NEGR1: variants seen among roughly 807,000 people sequenced by gnomAD.
NEGR1 encodes IgLON family member 4.
In NEGR1, 10 loss-of-function variants were observed where a neutral mutation model predicts 40.9. That is an observed-to-expected ratio of 0.24 (90% CI 0.15 to 0.42). The LOEUF is 0.42. Among genes scored for constraint, NEGR1 ranks in the 10% least tolerant of loss-of-function variants. NEGR1 has a pLI of 1.00. For missense variants in NEGR1, 352 were observed against 438.9 expected (o/e 0.80, Z 1.77); for synonymous variants, 185 against 166.8 (o/e 1.11, Z -0.84).
intron 6 of NEGR1, among the ~76,000 whole-genome samples, chr1:71,414,835 T>C (rs895791546): frequency 1.3e-5 from 2 of 152,172 alleles, no homozygotes; most frequent in African/African-American, 4.8e-5. Context: ...ACACCTTCAT[T>C]GTGCATGTCT....
chr1:71,848,200 CAT>C (rs1659486400), intron 2 of NEGR1, among the ~76,000 whole-genome samples: 1 of 152,160 alleles, frequency 6.6e-6, no homozygotes, highest in South Asian at 2.1e-4. Flanking sequence ...GTTTCCATAA[CAT>C]AAAATTGCAA....
chr1:71,418,849 A>T (rs1420249580), intron 6 of NEGR1, among the ~76,000 whole-genome samples: 1 of 152,160 alleles, frequency 6.6e-6, no homozygotes, highest in Non-Finnish European at 1.5e-5. Context: ...TTCCCGACAG[A>T]GTCTAACACA....
At chr1:71,566,659 C>A (rs1422576942) in intron 6 of NEGR1, among the ~76,000 whole-genome samples, 1 of 152,128 alleles carries the variant, frequency 6.6e-6, no homozygotes, top group African/African-American at 2.4e-5. Flanking sequence ...ATATTTTTGG[C>A]TATGCAGGCC....
intron 2 of NEGR1, among the ~76,000 whole-genome samples, chr1:71,910,501 G>A (rs1157118641): frequency 6.6e-6 from 1 of 152,134 alleles, no homozygotes; most frequent in Non-Finnish European, 1.5e-5. Flanking sequence ...TGCTGATGCT[G>A]CTAGAGTGTA....
chr1:71,782,091 C>T (rs147783756), intron 2 of NEGR1, among the ~76,000 whole-genome samples: 5 of 152,252 alleles, frequency 3.3e-5, no homozygotes, highest in Non-Finnish European at 7.4e-5. Context: ...GTTTGTGTCT[C>T]TCCCAAATTC....
At chr1:72,199,150 C>CAGAGAGAGAGAGAG (rs34602311) in intron 1 of NEGR1, among the ~76,000 whole-genome samples, 2 of 115,162 alleles carry the variant, frequency 1.7e-5, no homozygotes, top group African/African-American at 6.6e-5. Context: ...GATAGACAGA[C>CAGAGAGAGAGAGAG]AGAGAGAGAG....
intron 1 of NEGR1, among the ~76,000 whole-genome samples, chr1:72,208,527 T>C (rs1483070271): frequency 1.3e-5 from 2 of 151,604 alleles, no homozygotes; most frequent in East Asian, 1.9e-4. Context: ...TAAATATCTA[T>C]ACTGGCATCT....
Position 71,493,842 on chromosome 1 carries a change from T to C in NEGR1, c.941-86272A>G, listed in dbSNP as rs188999768. On this transcript the variant is annotated intron_variant, in intron 6 of 6. Coordinates refer to ENST00000357731, the MANE Select transcript of NEGR1 (RefSeq NM_173808.3). ...AAAAGCCATCCAGAATTTATGTGTT[T>C]TGCTCTAGTCCAACTTATTTATCTC... Among the ~76,000 whole-genome samples, 3 of 152,302 alleles carry C rather than the reference T, an allele frequency of 2.0e-5. No homozygotes were observed. In the East Asian group the frequency reaches 5.8e-4, roughly 29 times the overall value.
intron 1 of NEGR1, among the ~76,000 whole-genome samples, chr1:72,111,756 G>T (rs566102862): frequency 2.6e-5 from 4 of 151,736 alleles, no homozygotes; most frequent in Non-Finnish European, 5.9e-5. Context: ...CTTGATATGA[G>T]TAAGAGATTT....
chr1:71,920,347 T>C (rs1339416667), intron 2 of NEGR1, among the ~76,000 whole-genome samples: 2 of 152,160 alleles, frequency 1.3e-5, no homozygotes, highest in East Asian at 3.9e-4. Context: ...TAGCTCCTCA[T>C]TGAGCTCTGA....
At chr1:72,141,945 C>A (rs1180130386) in intron 1 of NEGR1, among the ~76,000 whole-genome samples, 3 of 147,132 alleles carry the variant, frequency 2.0e-5, no homozygotes, top group Non-Finnish European at 4.6e-5. Flanking sequence ...CAATTTATAG[C>A]AAAAAGGAAA....
At chr1:71,477,824 G>C (rs1646830827) in intron 6 of NEGR1, among the ~76,000 whole-genome samples, 1 of 151,736 alleles carries the variant, frequency 6.6e-6, no homozygotes, top group African/African-American at 2.4e-5. Flanking sequence ...ATCTTACAAA[G>C]ATCAAATTAC....
chr1:71,995,345 G>GA (rs1225646462), intron 1 of NEGR1, among the ~76,000 whole-genome samples: 2 of 151,810 alleles, frequency 1.3e-5, no homozygotes, highest in Non-Finnish European at 2.9e-5. Flanking sequence ...AAGGAGGTAT[G>GA]AAAAAACGGT....
At chr1:71,911,327 A>G (rs1184654474) in intron 2 of NEGR1, among the ~76,000 whole-genome samples, 1 of 152,172 alleles carries the variant, frequency 6.6e-6, no homozygotes, top group Admixed American at 6.5e-5. Context: ...GTACTGTGGA[A>G]AGAGCTCTGG....
intron 1 of NEGR1, among the ~76,000 whole-genome samples, chr1:72,248,694 G>A (rs1231087428): frequency 6.7e-6 from 1 of 150,290 alleles, no homozygotes; most frequent in Non-Finnish European, 1.5e-5. Flanking sequence ...TGCTTCCTGG[G>A]TTCTCAGCCT....
At chr1:72,029,545 C>T (rs75754286) in intron 1 of NEGR1, among the ~76,000 whole-genome samples, 2 of 152,046 alleles carry the variant, frequency 1.3e-5, no homozygotes, top group African/African-American at 2.4e-5. Flanking sequence ...GTCATTTTGA[C>T]GTGTTTATTG....
At chr1:71,418,590 C>T (rs898578267) in intron 6 of NEGR1, among the ~76,000 whole-genome samples, 2 of 152,110 alleles carry the variant, frequency 1.3e-5, no homozygotes, top group African/African-American at 4.8e-5. Flanking sequence ...TTGGAATTAC[C>T]TTCTTCTACT....
chr1:71,429,642 C>G (rs577543874), intron 6 of NEGR1, among the ~76,000 whole-genome samples: 1 of 152,078 alleles, frequency 6.6e-6, no homozygotes, highest in Non-Finnish European at 1.5e-5. Flanking sequence ...TGTTCTGCAG[C>G]CAGACAAACA....
chr1:72,272,481 A>T (rs2100560016), intron 1 of NEGR1, among the ~76,000 whole-genome samples: 1 of 152,092 alleles, frequency 6.6e-6, no homozygotes, highest in East Asian at 1.9e-4. Flanking sequence ...TGATCTGTTT[A>T]TTAGATACCC....
Sources: gnomAD v4.1 joint callset for allele counts (sites outside exome capture counted in the v4.1 genomes callset) on GRCh38, gnomAD v4.1.1 for gene constraint, MANE v1.5 for transcripts, NCBI Gene and HGNC (gene_info 2026-07-23, HGNC 2026-07-21) for gene names.